TGM7: variants seen among roughly 807,000 people sequenced by gnomAD.
The protein encoded by TGM7 is protein-glutamine gamma-glutamyltransferase Z.
TGM7 carries 74 observed loss-of-function variants against 79.5 expected under a neutral mutation model. The observed-to-expected ratio is 0.93, with a 90% CI of 0.77 to 1.13. TGM7 has a LOEUF of 1.13. Among genes scored for constraint, TGM7 ranks in the 50% most tolerant of loss-of-function variants. The pLI is 0.00. For missense variants in TGM7, 912 were observed against 905.9 expected, an observed-to-expected ratio of 1.01 and a Z score of -0.09; for synonymous variants, 354 against 362.5, an observed-to-expected ratio of 0.98 and a Z score of 0.27.
chr15:43,279,054 C>A (rs1341098455), intron 11 of TGM7, 63 bp downstream of exon 11: 3 of 1,550,358 alleles, frequency 1.9e-6, no homozygotes, highest in Middle Eastern at 2.4e-4. Flanking sequence ...GGCTGCTGCA[C>A]CCCAGCCCCT....
chr15:43,282,223 C>A, intron 8 of TGM7, 137 bp from the exon 9 acceptor site: 1 of 1,303,156 alleles, frequency 7.7e-7, no homozygotes, highest in Non-Finnish European at 1.0e-6. Context: ...ACTTTTGTTC[C>A]CATTAATTCA....
In TGM7 at chr15:43,284,809, C is replaced by G; in HGVS notation, c.1004+5G>C. ...CAGAGATCTGTTCAAGACAGTGCCT[C>G]TCACCATATTTTGTCTCGTTTCTGA... is the stretch of plus-strand genomic sequence containing the variant. On this transcript the variant is annotated splice_donor_5th_base_variant and intron_variant, in intron 7 of 12. Transcript: ENST00000452443. The G allele has an allele frequency of 6.2e-7, 1 of 1,614,168 alleles. No homozygotes were observed.
chr15:43,293,436 A>T lies in TGM7; in HGVS notation c.193+13T>A, dbSNP rs1334400862. ...GACGGAACCTGCGGGGCCTTGGGAC[A>T]GGGCAAACTCACCGGTCTCAGCCAC... On this transcript the variant is annotated intron_variant, in intron 2 of 12. Transcript: ENST00000452443. 3 of 1,584,506 alleles carry T rather than the reference A, an allele frequency of 1.9e-6. No individual in the cohort carries two copies. Among genetic ancestry groups the T allele is most frequent in the Non-Finnish European group, 1.7e-6 (2 of 1,160,950 alleles).
intron 1 of TGM7, among the ~76,000 whole-genome samples, chr15:43,300,198 A>C (rs1418952833): frequency 6.6e-6 from 1 of 152,238 alleles, no homozygotes; most frequent in Non-Finnish European, 1.5e-5. Flanking sequence ...TTGCACTTGC[A>C]ACACTAGTTG....
Position 43,293,742 on chromosome 15 carries a change from G to C in TGM7, c.11-111C>G, listed in dbSNP as rs113022613. On this transcript the variant is annotated intron_variant, in intron 1 of 12. Transcript: ENST00000452443. ...GGTGCGGCGGGTGGTGGGGCGTGCGGGGGGTAGGTGGGGCGTGCGGGGGGG... is the reference window on the plus strand; with the variant it reads ...GGTGCGGCGGGTGGTGGGGCGTGCGCGGGGTAGGTGGGGCGTGCGGGGGGG... The C allele has an allele frequency of 6.9e-3, 628 of 91,574 alleles. 12 individuals carry two copies. The highest frequency in any genetic ancestry group is 0.029 in the African/African-American group (573 of 20,020). 5.7% of individuals were successfully genotyped at this position (91,574 alleles called of 1,614,324 possible). A position where few individuals can be genotyped will look rare whatever the true frequency, so the allele number is the denominator to read the frequency against.
intron 11 of TGM7, among the ~76,000 whole-genome samples, chr15:43,278,336 T>G (rs1387946661): frequency 2.6e-5 from 4 of 152,196 alleles, no homozygotes; most frequent in African/African-American, 9.6e-5. Context: ...CATTCACCCT[T>G]CCTTTGCCTG....
intron 4 of TGM7, among the ~76,000 whole-genome samples, chr15:43,288,834 G>A (rs1338104936): frequency 6.6e-6 from 1 of 152,104 alleles, no homozygotes; most frequent in Non-Finnish European, 1.5e-5. Flanking sequence ...GGAAGCTGAG[G>A]TGGGAGAATC....
At chr15:43,299,517 G>A (rs1011179807) in intron 1 of TGM7, among the ~76,000 whole-genome samples, 2 of 152,144 alleles carry the variant, frequency 1.3e-5, no homozygotes, top group East Asian at 1.9e-4. Flanking sequence ...AAATGGGGTC[G>A]GTTAAAGGAA....
chr15:43,295,513 C>T (rs1264442767), intron 1 of TGM7, among the ~76,000 whole-genome samples: 1 of 152,054 alleles, frequency 6.6e-6, no homozygotes, highest in Non-Finnish European at 1.5e-5. Flanking sequence ...TTGCCTGAGC[C>T]CAGGAGGTAG....
chr15:43,292,286 A>G (rs1293341354), intron 3 of TGM7, among the ~76,000 whole-genome samples, 189 bp from the exon 4 acceptor site: 2 of 152,230 alleles, frequency 1.3e-5, no homozygotes, highest in Admixed American at 1.3e-4. Context: ...CAGAAATACA[A>G]TGTACACTTT....
chr15:43,298,944 A>T (rs1000526789), intron 1 of TGM7, among the ~76,000 whole-genome samples: 1 of 152,066 alleles, frequency 6.6e-6, no homozygotes, highest in South Asian at 2.1e-4. Context: ...GATTCCTCTT[A>T]TCTGATGATT....
chr15:43,299,180 T>C (rs2142424382), intron 1 of TGM7, among the ~76,000 whole-genome samples: 1 of 152,332 alleles, frequency 6.6e-6, no homozygotes, highest in Middle Eastern at 3.4e-3. Flanking sequence ...CCTTTTGTAT[T>C]GAGGGGAAAG....
At chr15:43,288,049 TTA>T (rs2042944955) in intron 4 of TGM7, among the ~76,000 whole-genome samples, 1 of 152,048 alleles carries the variant, frequency 6.6e-6, no homozygotes, top group African/African-American at 2.4e-5. Context: ...TATCAAGGAC[TTA>T]GACTCCTATC....
intron 9 of TGM7, 40 bp from the exon 10 acceptor site, chr15:43,279,991 G>A: frequency 6.3e-7 from 1 of 1,583,780 alleles, no homozygotes; most frequent in Non-Finnish European, 8.6e-7. Context: ...CATGGGGAGG[G>A]GTGGAGAGGA....
chr15:43,296,743 G>A (rs975159914), intron 1 of TGM7, among the ~76,000 whole-genome samples: 2 of 152,132 alleles, frequency 1.3e-5, no homozygotes, highest in African/African-American at 4.8e-5. Flanking sequence ...AGAAAGGAGA[G>A]GGGGAGGAAG....
chr15:43,297,083 C>G (rs555138261), intron 1 of TGM7, among the ~76,000 whole-genome samples: 1 of 152,226 alleles, frequency 6.6e-6, no homozygotes, highest in Admixed American at 6.5e-5. Context: ...CCACAAGATT[C>G]CTGGCACTTA....
At position 43,287,266 on chromosome 15, in the gene TGM7, G is replaced by C. The variant is rs768764863; in HGVS notation, c.865+14C>G. 6.2e-7 allele frequency: 1 copy of C among 1,610,394 alleles called. No homozygotes were observed. The highest frequency in any genetic ancestry group is 1.1e-5 in the South Asian group (1 of 90,700). ...AAGTTAATCACACCCCTAAGTGAGT[G>C]ATCTTTCGCTCACCGGTGCACATAA... is the stretch of plus-strand genomic sequence containing the variant. On this transcript the variant is annotated intron_variant, in intron 6 of 12. Transcript: ENST00000452443.
intron 7 of TGM7, among the ~76,000 whole-genome samples, chr15:43,284,024 C>A (rs925468960): frequency 1.3e-5 from 2 of 152,110 alleles, no homozygotes; most frequent in African/African-American, 4.8e-5. Flanking sequence ...CATGGTGAAA[C>A]CCCGTCTCTA....
rs1306795933 is a variant in TGM7, at chr15:43,280,018, G to A, written c.1352-67C>T. 8.1e-6 allele frequency: 12 copies of A among 1,475,142 alleles called. 1 individual carries two copies. In the Admixed American group the frequency reaches 1.9e-4, roughly 23 times the overall value. 91.4% of individuals were successfully genotyped at this position (1,475,142 alleles called of 1,614,324 possible). On this transcript the variant is annotated intron_variant, in intron 9 of 12. Coordinates refer to ENST00000452443, the MANE Select transcript of TGM7 (RefSeq NM_052955.3). ...TGGAGAGGACCAGTGACTTTCCTGG[G>A]GCAACAAGGCACAGGAATAGCAGCA...
Sources: gnomAD v4.1 joint callset for allele counts (sites outside exome capture counted in the v4.1 genomes callset) on GRCh38, gnomAD v4.1.1 for gene constraint, MANE v1.5 for transcripts, NCBI Gene and HGNC (gene_info 2026-07-23, HGNC 2026-07-21) for gene names.